The following RNF182 variants were observed in gnomAD, a reference collection of about 807,000 sequenced individuals.
The protein encoded by RNF182 is E3 ubiquitin-protein ligase RNF182.
RNF182 carries 15 observed loss-of-function variants against 14.4 expected under a neutral mutation model. The observed-to-expected ratio is 1.04, with a 90% CI of 0.70 to 1.60. The LOEUF is 1.60. RNF182 is among the 40% of genes most tolerant of loss of function. The pLI is 0.00. For missense variants in RNF182, 268 were observed against 294.8 expected (o/e 0.91, Z 0.67); for synonymous variants, 128 against 122.9 (o/e 1.04, Z -0.27).
rs138868329 is a variant in RNF182 at position 13,977,559 on chromosome 6, C to T, written c.440C>T (p.Thr147Ile). ...QRESSPSLSS[T>I]PVVEFYRPAS... The stretch of plus-strand genomic sequence containing the variant: ...GAGAGCTCCCCGTCCCTGAGCTCCA[C>T]TCCTGTGGTAGAATTTTATAGGCCT... The change falls in exon 3 of 3, where the codon ACT becomes ATT. Residue 147 changes from threonine (T) to isoleucine (I), a missense_variant. Transcript: ENST00000488300. 32 of 1,614,206 alleles carry T rather than the reference C, an allele frequency of 2.0e-5. No individual in the cohort carries two copies. In the Admixed American group the frequency reaches 2.3e-4, roughly 12 times the overall value.
At chr6:13,970,636 T>C (rs1370377415) in intron 1 of RNF182, among the ~76,000 whole-genome samples, 9 of 152,240 alleles carry the variant, frequency 5.9e-5, no homozygotes, top group Non-Finnish European at 1.2e-4. Flanking sequence ...AAGGTATTTC[T>C]ATTTTTAGTT....
chr6:13,965,161 A>G (rs1334083717), intron 1 of RNF182, among the ~76,000 whole-genome samples: 1 of 152,214 alleles, frequency 6.6e-6, no homozygotes, highest in African/African-American at 2.4e-5. Context: ...GCACAAGAAG[A>G]CTTTCTAGAG....
intron 1 of RNF182, among the ~76,000 whole-genome samples, chr6:13,942,681 A>G (rs1024324335): frequency 4.6e-5 from 7 of 152,120 alleles, no homozygotes; most frequent in African/African-American, 1.4e-4. Flanking sequence ...ATCAAATAGT[A>G]TTTCTTCTGG....
At chr6:13,930,598 A>G (rs1433505735) in intron 1 of RNF182, among the ~76,000 whole-genome samples, 1 of 152,240 alleles carries the variant, frequency 6.6e-6, no homozygotes, top group African/African-American at 2.4e-5. Context: ...TAGAAGAATG[A>G]TTAAGCATTT....
intron 1 of RNF182, among the ~76,000 whole-genome samples, chr6:13,940,581 G>A (rs923904615): frequency 1.3e-5 from 2 of 151,414 alleles, no homozygotes; most frequent in African/African-American, 2.4e-5. Context: ...TTTTGCTATT[G>A]TATGCTTATT....
intron 1 of RNF182, among the ~76,000 whole-genome samples, chr6:13,948,847 CTCCTT>C (rs1230857410): frequency 6.6e-6 from 1 of 152,078 alleles, no homozygotes; most frequent in East Asian, 1.9e-4. Flanking sequence ...TCTCTTTTCT[CTCCTT>C]TCTTTTTTTT....
chr6:13,956,033 A>G (rs1368540937), intron 1 of RNF182, among the ~76,000 whole-genome samples: 1 of 152,240 alleles, frequency 6.6e-6, no homozygotes, highest in Non-Finnish European at 1.5e-5. Flanking sequence ...ATGAGTGAGA[A>G]CGTTCAGTAC....
intron 1 of RNF182, among the ~76,000 whole-genome samples, chr6:13,931,849 A>G (rs1426140382): frequency 6.6e-6 from 1 of 152,078 alleles, no homozygotes; most frequent in African/African-American, 2.4e-5. Context: ...AGGTGATGGT[A>G]TTAGGAGGTA....
At chr6:13,932,399 AAACTT>A (rs1292993158) in intron 1 of RNF182, among the ~76,000 whole-genome samples, 5 of 152,178 alleles carry the variant, frequency 3.3e-5, no homozygotes, top group African/African-American at 1.2e-4. Flanking sequence ...TTCTTTGACT[AAACTT>A]TAATTCAAAT....
chr6:13,953,792 T>C (rs1370353321), intron 1 of RNF182, among the ~76,000 whole-genome samples: 1 of 152,156 alleles, frequency 6.6e-6, no homozygotes, highest in African/African-American at 2.4e-5. Context: ...AGCGTGGTAA[T>C]GGCTGAGTTC....
intron 2 of RNF182, 87 bp downstream of exon 2, chr6:13,974,451 A>G (rs1760272942): frequency 6.6e-6 from 1 of 152,260 alleles, no homozygotes; most frequent in African/African-American, 2.4e-5. Context: ...TTGTATAAAT[A>G]TGAACATTAT....
At chr6:13,937,010 T>C (rs1412772735) in intron 1 of RNF182, among the ~76,000 whole-genome samples, 1 of 152,052 alleles carries the variant, frequency 6.6e-6, no homozygotes, top group Non-Finnish European at 1.5e-5. Context: ...TAGGAAGACG[T>C]TAAAATATGT....
chr6:13,975,885 T>G (rs978075737), intron 2 of RNF182, among the ~76,000 whole-genome samples: 2 of 152,244 alleles, frequency 1.3e-5, no homozygotes, highest in African/African-American at 4.8e-5. Context: ...ATATTAAAGC[T>G]AATTAAAAAT....
chr6:13,947,961 G>A (rs920493794), intron 1 of RNF182, among the ~76,000 whole-genome samples: 5 of 152,108 alleles, frequency 3.3e-5, no homozygotes, highest in African/African-American at 1.2e-4. Context: ...GAGAAATCAG[G>A]TAGAGAGAAA....
chr6:13,942,353 T>A (rs1183973268), intron 1 of RNF182, among the ~76,000 whole-genome samples: 2 of 152,118 alleles, frequency 1.3e-5, no homozygotes, highest in African/African-American at 4.8e-5. Context: ...TAAAAAAAAT[T>A]TTTTTTGAGA....
At chr6:13,924,564 A>T (rs1758761083), upstream of RNF182, 1 of 152,286 alleles carries the variant, frequency 6.6e-6, no homozygotes, top group Non-Finnish European at 1.5e-5. Flanking sequence ...ACAGCTCCAC[A>T]GGAGAAAGGT....
rs564901107 is a variant in RNF182 at position 13,932,550 on chromosome 6, A to C, written c.-367+7527A>C. ...AGATAAATCATATGTTTATTGGGCA[A>C]ATTTATGACTCAAGTAAGTAAAACC... On this transcript the variant is annotated intron_variant, in intron 1 of 2. Coordinates refer to ENST00000488300, the MANE Select transcript of RNF182 (RefSeq NM_152737.4). Among the ~76,000 whole-genome samples the C allele has an allele frequency of 7.2e-4, 110 of 152,270 alleles. 1 individual carries two copies. The Middle Eastern group carries it at 0.01, about 14-fold the overall frequency.
intron 1 of RNF182, among the ~76,000 whole-genome samples, chr6:13,936,423 A>G (rs917803113): frequency 1.1e-4 from 16 of 152,370 alleles, no homozygotes; most frequent in Middle Eastern, 3.4e-3. Context: ...CTGAGATTCA[A>G]TTATTCTTTG....
chr6:13,979,624 C>G lies in RNF182; in HGVS notation c.*1761C>G, dbSNP rs908229855. ...GCATTGTGATGCAATTTCCAGAAAT[C>G]CATTTGTGTTTAGAGTAAATACCAT... On this transcript the variant is annotated 3_prime_UTR_variant, in exon 3 of 3. Coordinates refer to ENST00000488300, the MANE Select transcript of RNF182 (RefSeq NM_152737.4). 2 of 166,492 alleles carry G rather than the reference C, an allele frequency of 1.2e-5. No individual in the cohort carries two copies. Among genetic ancestry groups the G allele is most frequent in the Non-Finnish European group, 2.9e-5 (2 of 68,086 alleles). The allele number at this position is 166,492 out of a possible 1,614,324, so 10.3% of individuals were successfully genotyped here. A position where few individuals can be genotyped will look rare whatever the true frequency, so the allele number is the denominator to read the frequency against.
Sources: allele counts gnomAD v4.1 joint callset (sites outside exome capture counted in the v4.1 genomes callset), GRCh38; gene constraint gnomAD v4.1.1; transcripts MANE v1.5; gene names NCBI Gene and HGNC (gene_info 2026-07-23, HGNC 2026-07-21).